DTHD1: variants seen among roughly 807,000 people sequenced by gnomAD.
The protein encoded by DTHD1 is death domain-containing protein 1.
A neutral mutation model predicts 74.8 loss-of-function variants in DTHD1; 59 were observed. That is an observed-to-expected ratio of 0.79 (90% CI 0.64 to 0.98). The LOEUF (loss-of-function observed/expected upper bound fraction) is 0.98. DTHD1 is among the 50% of genes least tolerant of loss of function. The pLI is 0.00. For missense variants in DTHD1, 1,051 were observed against 1,065.4 expected (o/e 0.99, Z 0.19); for synonymous variants, 365 against 371.1 (o/e 0.98, Z 0.19).
chr4:36,311,473 C>A (rs1393415260), intron 7 of DTHD1, among the ~76,000 whole-genome samples: 1 of 149,404 alleles, frequency 6.7e-6, no homozygotes, highest in East Asian at 2.0e-4. Context: ...CCCACCCCCA[C>A]CCTCACCCCC....
chr4:36,292,704 AT>A, intron 3 of DTHD1, among the ~76,000 whole-genome samples: 1 of 152,282 alleles, frequency 6.6e-6, no homozygotes, highest in East Asian at 1.9e-4. Context: ...TTCCATTGTG[AT>A]TGTCCCTGAA....
chr4:36,311,655 T>G (rs544152635), intron 7 of DTHD1: 4 of 152,330 alleles, frequency 2.6e-5, no homozygotes, highest in African/African-American at 9.6e-5. Context: ...TTTTCTATTT[T>G]TTCATTTAAT....
At chr4:36,340,391 A>G (rs1759250676) in intron 9 of DTHD1, among the ~76,000 whole-genome samples, 1 of 152,228 alleles carries the variant, frequency 6.6e-6, no homozygotes, top group Admixed American at 6.5e-5. Context: ...GAAGCTAGGT[A>G]GGACATGGTT....
intron 8 of DTHD1, among the ~76,000 whole-genome samples, chr4:36,318,083 C>T (rs1757832244): frequency 6.6e-6 from 1 of 152,184 alleles, no homozygotes; most frequent in Non-Finnish European, 1.5e-5. Context: ...CACAGAAATC[C>T]TATGATACAT....
chr4:36,297,333 C>T (rs530017951), intron 5 of DTHD1, among the ~76,000 whole-genome samples: 1 of 152,280 alleles, frequency 6.6e-6, no homozygotes, highest in Non-Finnish European at 1.5e-5. Flanking sequence ...ATTCCATCAT[C>T]TATCTATTAA....
intron 2 of DTHD1, among the ~76,000 whole-genome samples, chr4:36,286,847 G>T (rs2109443760): frequency 6.6e-6 from 1 of 152,142 alleles, no homozygotes; most frequent in Non-Finnish European, 1.5e-5. Context: ...ACATAGAAAT[G>T]GTACAGCAAT....
At position 36,306,231 on chromosome 4, in the gene DTHD1, A is replaced by T. The variant is rs1384198493; in HGVS notation, c.1684A>T (p.Ser562Cys). Reference protein sequence around the residue: ...ASIRKPRKNASECLKLLGFRS... With the variant: ...ASIRKPRKNACECLKLLGFRS... ...CATAAGAAAACCTAGGAAAAATGCC[A>T]GTGAATGTTTGAAATTACTGGGATT... is the stretch of plus-strand genomic sequence containing the variant. The change falls in exon 6 of 10, where the codon AGT (serine) becomes TGT (cysteine). Residue 562 changes from serine to cysteine, a missense_variant. Physicochemically the swap from Ser to Cys is moderately radical, Grantham distance 112. Coordinates refer to ENST00000639862, the MANE Select transcript of DTHD1 (RefSeq NM_001170700.3). The T allele has an allele frequency of 6.4e-7, 1 of 1,551,824 alleles. No homozygotes were observed. Among genetic ancestry groups the T allele is most frequent in the African/African-American group, 1.4e-5 (1 of 73,062 alleles).
intron 8 of DTHD1, among the ~76,000 whole-genome samples, chr4:36,321,306 C>A (rs1018669226): frequency 7.9e-5 from 12 of 152,176 alleles, no homozygotes; most frequent in Non-Finnish European, 1.6e-4. Context: ...GAACGTTGGG[C>A]AAGTGAGCAA....
At chr4:36,287,390 T>C (rs1288560621) in intron 2 of DTHD1, among the ~76,000 whole-genome samples, 1 of 152,230 alleles carries the variant, frequency 6.6e-6, no homozygotes, top group Non-Finnish European at 1.5e-5. Context: ...ACTTGATTGA[T>C]GGGCATTTGG....
rs1403580085 is a variant in DTHD1, at chr4:36,296,298, A to G, written c.1643+1259A>G. Among the ~76,000 whole-genome samples, 7 of 152,272 alleles carry G rather than the reference A, an allele frequency of 4.6e-5. No homozygotes were observed. The East Asian group carries it at 1.3e-3, about 29-fold the overall frequency. On this transcript the variant is annotated intron_variant, in intron 5 of 9. Transcript: ENST00000639862. ...GTTTTTAAATACAAGGGCTCTCAGA[A>G]TGGACTACTCACATGCTCTTATCTA...
chr4:36,282,175 G>A (rs1755439972), intron 1 of DTHD1, 146 bp downstream of exon 1: 1 of 663,696 alleles, frequency 1.5e-6, no homozygotes, highest in Non-Finnish European at 2.2e-6. Context: ...AATAAGTTGA[G>A]ACAAATGCAC....
rs559821099 is a variant in DTHD1, at chr4:36,293,511, C to T, written c.1219-15C>T. Reference sequence around the variant, plus strand: ...CAGTGCTATAGCTTATTTTAATGTTCTTTATTCTATACAGGGGACCTGTGC... The same window carrying T: ...CAGTGCTATAGCTTATTTTAATGTTTTTTATTCTATACAGGGGACCTGTGC... On this transcript the variant is annotated splice_polypyrimidine_tract_variant and intron_variant, in intron 3 of 9. Transcript: ENST00000639862. The T allele has an allele frequency of 4.2e-5, 62 of 1,492,426 alleles. No homozygotes were observed. The South Asian group carries it at 7.3e-4, about 17-fold the overall frequency. The allele number at this position is 1,492,426 out of a possible 1,614,324, so 92.4% of individuals were successfully genotyped here.
intron 2 of DTHD1, among the ~76,000 whole-genome samples, chr4:36,288,896 T>C (rs1307845943): frequency 2.6e-5 from 4 of 152,172 alleles, no homozygotes; most frequent in Non-Finnish European, 2.9e-5. Flanking sequence ...TATCCTCTAT[T>C]AAACAATGTT....
chr4:36,295,501 T>C (rs1756345229), intron 5 of DTHD1, among the ~76,000 whole-genome samples: 1 of 151,946 alleles, frequency 6.6e-6, no homozygotes, highest in Non-Finnish European at 1.5e-5. Context: ...TGAGCATTCA[T>C]TCAAGGGTAA....
At chr4:36,324,167 C>T (rs1578479811) in intron 8 of DTHD1, among the ~76,000 whole-genome samples, 1 of 151,662 alleles carries the variant, frequency 6.6e-6, no homozygotes, top group East Asian at 1.9e-4. Context: ...TGTTCCCTTT[C>T]CCTTTTCTTT....
chr4:36,289,718 A>G (rs143929959), intron 2 of DTHD1, among the ~76,000 whole-genome samples: 112 of 152,206 alleles, frequency 7.4e-4, no homozygotes, highest in African/African-American at 2.5e-3. Context: ...CAAATCTATA[A>G]CTCTATAATC....
chr4:36,316,278 T>G lies in DTHD1; in HGVS notation c.2132T>G (p.Ile711Ser). 6.4e-7 allele frequency: 1 copy of G among 1,551,718 alleles called. No homozygotes were observed. The highest frequency in any genetic ancestry group is 8.7e-7 in the Non-Finnish European group (1 of 1,146,970). Residue 711 changes from isoleucine to serine, a missense_variant, in exon 8 of 10, where the codon ATT (isoleucine) becomes AGT (serine). By Grantham distance (142) the Ile-to-Ser change is moderately radical. Coordinates refer to ENST00000639862, the MANE Select transcript of DTHD1 (RefSeq NM_001170700.3). Reference sequence around the variant, plus strand: ...GATTATGGAAAAGACTACACACTTATTTTTCACTTGCAAAGAAAACCTAGG... The same window carrying G: ...GATTATGGAAAAGACTACACACTTAGTTTTCACTTGCAAAGAAAACCTAGG... ...GKDYGKDYTL[I>S]FHLQRKPRLE...
intron 7 of DTHD1, among the ~76,000 whole-genome samples, chr4:36,309,219 T>C (rs1254326517): frequency 6.6e-6 from 1 of 152,158 alleles, no homozygotes; most frequent in Non-Finnish European, 1.5e-5. Flanking sequence ...GCAAATCACT[T>C]GAGGTCAGGT....
chr4:36,306,360 C>T lies in DTHD1; in HGVS notation c.1805+8C>T. On this transcript the variant is annotated splice_region_variant and intron_variant, in intron 6 of 9. Coordinates refer to ENST00000639862, the MANE Select transcript of DTHD1 (RefSeq NM_001170700.3). ...GTATGAACATTTGGAGAGGTAATAC[C>T]ATCAAAAACAATCAAAGTTGATGAT... 1 of 1,523,504 alleles carries T rather than the reference C, an allele frequency of 6.6e-7. No individual in the cohort carries two copies. Among genetic ancestry groups the T allele is most frequent in the Non-Finnish European group, 8.8e-7 (1 of 1,130,710 alleles). The allele number at this position is 1,523,504 out of a possible 1,614,324, so 94.4% of individuals were successfully genotyped here. A position where few individuals can be genotyped will look rare whatever the true frequency, so the allele number is the denominator to read the frequency against.
Sources: gnomAD v4.1 joint callset for allele counts (sites outside exome capture counted in the v4.1 genomes callset) on GRCh38, gnomAD v4.1.1 for gene constraint, MANE v1.5 for transcripts, NCBI Gene and HGNC (gene_info 2026-07-23, HGNC 2026-07-21) for gene names.